The following ZNF407 variants were observed in gnomAD, a reference collection of about 807,000 sequenced individuals.
ZNF407 encodes zinc finger protein 407.
A neutral mutation model predicts 131.2 loss-of-function variants in ZNF407; 17 were observed. The ratio of observed to expected loss-of-function variants is 0.13; its 90% confidence interval spans 0.09 to 0.19. The LOEUF (loss-of-function observed/expected upper bound fraction) is 0.19, where lower values mean the gene tolerates loss of function less well. Ranked by LOEUF, ZNF407 falls within the 10% of genes least tolerant of loss-of-function variation. The pLI, the probability that ZNF407 is intolerant of heterozygous loss-of-function variation, is 1.00. For synonymous variants in ZNF407, 1,156 were observed against 1,062.0 expected (o/e 1.09, Z -1.72); for missense variants, 2,681 against 2,830.6 (o/e 0.95, Z 1.20).
intron 8 of ZNF407, among the ~76,000 whole-genome samples, chr18:75,047,775 T>C (rs763780876): frequency 3.3e-5 from 5 of 152,270 alleles, no homozygotes; most frequent in Non-Finnish European, 7.3e-5. Flanking sequence ...TCACTCTCTC[T>C]GTTTTGCCCT....
At chr18:74,691,279 CA>C (rs952750708) in intron 3 of ZNF407, among the ~76,000 whole-genome samples, 29 of 144,714 alleles carry the variant, frequency 2.0e-4, no homozygotes, top group Admixed American at 3.4e-4. Context: ...AACTCTGTCT[CA>C]AAAAAAAAAT....
chr18:74,741,181 A>G (rs1968539453), intron 3 of ZNF407, among the ~76,000 whole-genome samples: 1 of 152,160 alleles, frequency 6.6e-6, no homozygotes, highest in Admixed American at 6.5e-5. Context: ...ACATGTATGG[A>G]TGGTGAAATC....
intron 8 of ZNF407, among the ~76,000 whole-genome samples, chr18:74,972,027 T>C (rs1972478423): frequency 6.6e-6 from 1 of 152,192 alleles, no homozygotes; most frequent in African/African-American, 2.4e-5. Context: ...CATCAGATCT[T>C]GTGAGACTTA....
At chr18:74,806,764 A>G (rs908484156) in intron 4 of ZNF407, among the ~76,000 whole-genome samples, 1 of 152,244 alleles carries the variant, frequency 6.6e-6, no homozygotes, top group Non-Finnish European at 1.5e-5. Context: ...AATATAAGGA[A>G]TAATACTCCC....
intron 7 of ZNF407, among the ~76,000 whole-genome samples, chr18:74,916,701 G>A (rs1289195027): frequency 1.5e-5 from 2 of 136,626 alleles, no homozygotes; most frequent in Admixed American, 1.5e-4. Flanking sequence ...CGTTCGAATC[G>A]GGAGTGTGTG....
intron 4 of ZNF407, among the ~76,000 whole-genome samples, chr18:74,855,493 A>G (rs747828517): frequency 1.3e-5 from 2 of 152,192 alleles, no homozygotes; most frequent in African/African-American, 4.8e-5. Context: ...TTTATCTCTT[A>G]GTTTTCATAT....
At chr18:74,994,805 G>A (rs972494468) in intron 8 of ZNF407, among the ~76,000 whole-genome samples, 4 of 152,178 alleles carry the variant, frequency 2.6e-5, no homozygotes, top group Admixed American at 2.0e-4. Context: ...GGCAGTGAGC[G>A]GCCACAGCAC....
At chr18:74,711,898 AG>A (rs1025855253) in intron 3 of ZNF407, among the ~76,000 whole-genome samples, 34 of 151,958 alleles carry the variant, frequency 2.2e-4, no homozygotes, top group African/African-American at 7.7e-4. Context: ...TTTAGTGGAG[AG>A]GGATTTCACC....
intron 1 of ZNF407, among the ~76,000 whole-genome samples, chr18:74,600,289 GCT>G (rs1982523784): frequency 6.6e-6 from 1 of 152,222 alleles, no homozygotes; most frequent in African/African-American, 2.4e-5. Flanking sequence ...AAAGAGGCTG[GCT>G]GGCTGGGGCC....
chr18:74,776,616 G>A (rs1969477227), intron 3 of ZNF407, among the ~76,000 whole-genome samples: 1 of 152,008 alleles, frequency 6.6e-6, no homozygotes, highest in Non-Finnish European at 1.5e-5. Flanking sequence ...CATTTCTGTT[G>A]TCATCCTGAA....
At chr18:74,678,560 T>A (rs1208169828) in intron 3 of ZNF407, among the ~76,000 whole-genome samples, 1 of 152,172 alleles carries the variant, frequency 6.6e-6, no homozygotes, top group Admixed American at 6.5e-5. Context: ...CAGTTTATCT[T>A]CATGATTTTC....
intron 8 of ZNF407, among the ~76,000 whole-genome samples, chr18:74,941,071 C>T (rs531134632): frequency 3.5e-5 from 5 of 140,872 alleles, no homozygotes; most frequent in South Asian, 2.2e-4. Flanking sequence ...GTGGCGGAAC[C>T]GGGCCCGTCC....
At chr18:74,908,248 A>G (rs966440961) in intron 7 of ZNF407, among the ~76,000 whole-genome samples, 5 of 152,054 alleles carry the variant, frequency 3.3e-5, no homozygotes, top group African/African-American at 9.7e-5. Context: ...TAGCATTTGG[A>G]CGTTGCTTTT....
At chr18:74,821,563 T>G (rs1970340735) in intron 4 of ZNF407, among the ~76,000 whole-genome samples, 1 of 152,158 alleles carries the variant, frequency 6.6e-6, no homozygotes, top group Non-Finnish European at 1.5e-5. Context: ...GAATGATGGT[T>G]TCCAGCTTCA....
At chr18:74,712,052 T>C (rs1967778151) in intron 3 of ZNF407, among the ~76,000 whole-genome samples, 1 of 152,176 alleles carries the variant, frequency 6.6e-6, no homozygotes, top group Admixed American at 6.5e-5. Flanking sequence ...TCACTTTGTA[T>C]TTATTTTTTG....
intron 8 of ZNF407, among the ~76,000 whole-genome samples, chr18:74,941,129 C>A (rs1291592003): frequency 6.6e-6 from 1 of 152,168 alleles, no homozygotes; most frequent in Non-Finnish European, 1.5e-5. Context: ...GACTGCTTGA[C>A]TCAAGACTTT....
chr18:74,951,134 C>T (rs1972208999), intron 8 of ZNF407, among the ~76,000 whole-genome samples: 1 of 152,240 alleles, frequency 6.6e-6, no homozygotes, highest in African/African-American at 2.4e-5. Context: ...ATGACCACTA[C>T]TACTGTGATA....
chr18:75,033,253 G>A (rs947996569), intron 8 of ZNF407, among the ~76,000 whole-genome samples: 4 of 147,638 alleles, frequency 2.7e-5, no homozygotes, highest in African/African-American at 1.0e-4. Context: ...CTCGGAATGG[G>A]GGGAAGATAG....
intron 3 of ZNF407, among the ~76,000 whole-genome samples, chr18:74,697,397 T>A (rs961319878): frequency 6.6e-6 from 1 of 152,208 alleles, no homozygotes; most frequent in Non-Finnish European, 1.5e-5. Context: ...GCATTCTTTT[T>A]TAACTAAAAT....
Sources: allele counts gnomAD v4.1 joint callset (sites outside exome capture counted in the v4.1 genomes callset), GRCh38; gene constraint gnomAD v4.1.1; transcripts MANE v1.5; gene names NCBI Gene and HGNC (gene_info 2026-07-23, HGNC 2026-07-21).